Variants in NXPE1 observed in about 807,000 individuals in gnomAD.
NXPE1 encodes the protein neurexophilin and PC-esterase domain family member 1, also known as NXPE family member 1.
A neutral mutation model predicts 33.3 loss-of-function variants in NXPE1; 31 were observed. The observed-to-expected ratio is 0.93, with a 90% CI of 0.70 to 1.26. NXPE1 has a LOEUF of 1.26. Among genes scored for constraint, NXPE1 ranks in the 50% most tolerant of loss-of-function variants. NXPE1 has a pLI of 0.00. For synonymous variants in NXPE1, 229 were observed against 231.4 expected (o/e 0.99, Z 0.09); for missense variants, 661 against 655.6 (o/e 1.01, Z -0.09).
intron 6 of NXPE1, chr11:114,529,177 G>A (rs1426458120): frequency 5.1e-6 from 1 of 194,796 alleles, no homozygotes; most frequent in African/African-American, 2.3e-5. Flanking sequence ...CTGTCACCAA[G>A]CTGAGGAAAA....
At chr11:114,522,305 A>G (rs752805678) in exon 9 of NXPE1, 2 of 1,614,114 alleles carry the variant, frequency 1.2e-6, no homozygotes, top group Non-Finnish European at 1.7e-6. Flanking sequence ...GCCAAAGGTG[A>G]TGACGATGGC....
intron 7 of NXPE1, chr11:114,527,131 C>G (rs1201774486): frequency 6.6e-6 from 1 of 152,332 alleles, no homozygotes; most frequent in Non-Finnish European, 1.5e-5. Context: ...GTTTGCTGAT[C>G]CTTTTGTAGT....
chr11:114,537,615 C>G (rs1048319129), intron 5 of NXPE1, among the ~76,000 whole-genome samples: 1 of 152,156 alleles, frequency 6.6e-6, no homozygotes, highest in Non-Finnish European at 1.5e-5. Flanking sequence ...GCAAAAATCA[C>G]GAGCATTCTT....
intron 5 of NXPE1, among the ~76,000 whole-genome samples, chr11:114,540,450 CT>C (rs1226230836): frequency 6.6e-6 from 1 of 152,116 alleles, no homozygotes; most frequent in African/African-American, 2.4e-5. Context: ...AACTATATAT[CT>C]TCCTAGTCCA....
At chr11:114,533,897 C>G (rs1947687773) in intron 5 of NXPE1, among the ~76,000 whole-genome samples, 1 of 152,216 alleles carries the variant, frequency 6.6e-6, no homozygotes, top group African/African-American at 2.4e-5. Context: ...GTAACCTCTG[C>G]AGACTTAAAT....
At chr11:114,542,993 G>T (rs1368927317) in intron 5 of NXPE1, among the ~76,000 whole-genome samples, 3 of 152,156 alleles carry the variant, frequency 2.0e-5, no homozygotes, top group East Asian at 3.8e-4. Context: ...AGTGGCTTAT[G>T]CCTATAATCC....
At chr11:114,553,705 G>T in intron 1 of NXPE1, 1 of 985,076 alleles carries the variant, frequency 1.0e-6, no homozygotes, top group Non-Finnish European at 1.2e-6. Context: ...CTACTCCTTA[G>T]CTTGAGCTCT....
intron 5 of NXPE1, among the ~76,000 whole-genome samples, chr11:114,535,437 A>C (rs190839515): frequency 6.6e-6 from 1 of 152,324 alleles, no homozygotes; most frequent in African/African-American, 2.4e-5. Context: ...AACAATACTA[A>C]CCATAAATGT....
chr11:114,530,026 G>A (rs2134958207), intron 6 of NXPE1, 149 bp downstream of exon 6: 1 of 744,304 alleles, frequency 1.3e-6, no homozygotes, highest in Non-Finnish European at 2.2e-6. Context: ...GGCCTAGAGT[G>A]GTGAGTAGAG....
intron 5 of NXPE1, among the ~76,000 whole-genome samples, chr11:114,536,495 T>C (rs568916846): frequency 1.0e-3 from 153 of 152,188 alleles, no homozygotes; most frequent in African/African-American, 2.9e-3. Context: ...ATCCAGGAGC[T>C]GGTTTTTTGA....
At chr11:114,528,995 T>C (rs1177206333) in intron 6 of NXPE1, 3 of 417,450 alleles carry the variant, frequency 7.2e-6, no homozygotes, top group Admixed American at 3.8e-5. Context: ...CCAGGGACTA[T>C]AGATCAGGAG....
At chr11:114,556,938 G>A (rs1339212659) in intron 1 of NXPE1, among the ~76,000 whole-genome samples, 1 of 148,660 alleles carries the variant, frequency 6.7e-6, no homozygotes, top group African/African-American at 2.5e-5. Flanking sequence ...TGTTGCCCAA[G>A]TTGGAGTGCA....
chr11:114,557,618 T>C (rs1948682182), intron 1 of NXPE1, among the ~76,000 whole-genome samples: 1 of 135,920 alleles, frequency 7.4e-6, no homozygotes, highest in Admixed American at 8.3e-5. Flanking sequence ...AACACCACAA[T>C]ATATTATATA....
chr11:114,539,677 A>T lies in NXPE1; in HGVS notation c.100-8769T>A, dbSNP rs115893872. 9.9e-3 allele frequency among the ~76,000 whole-genome samples: 1,510 copies of T among 152,298 alleles called. 30 individuals carry two copies. Among genetic ancestry groups the T allele is most frequent in the African/African-American group, 0.033 (1,391 of 41,562 alleles). On this transcript the variant is annotated intron_variant, in intron 5 of 8. Coordinates refer to ENST00000534921, the Ensembl canonical transcript of NXPE1. ...TTAACTAATTCCAAAATTTTAGGGA[A>T]TATAATCATTTATAAAGAGGAACTA...
chr11:114,530,145 C>T lies in NXPE1; in HGVS notation c.833+30G>A, dbSNP rs376251932. The T allele has an allele frequency of 7.3e-5, 113 of 1,556,672 alleles. No homozygotes were observed. The African/African-American group carries it at 1.3e-3, about 18-fold the overall frequency. On this transcript the variant is annotated intron_variant, in intron 6 of 8. Transcript: ENST00000534921. ...TGACTGGGGCACTTCTCAGGGGACA[C>T]TTCTCAGTATACATGAAAAGTATAC...
At chr11:114,541,187 C>T (rs925829138) in intron 5 of NXPE1, among the ~76,000 whole-genome samples, 7 of 152,028 alleles carry the variant, frequency 4.6e-5, no homozygotes, top group East Asian at 1.9e-4. Flanking sequence ...AGGAGTAAAA[C>T]GGAATCCGTG....
chr11:114,522,569 C>T, intron 8 of NXPE1, 66 bp from the exon 9 acceptor site: 4 of 1,352,106 alleles, frequency 3.0e-6, no homozygotes, highest in Non-Finnish European at 4.0e-6. Flanking sequence ...AAAAGAATGT[C>T]CTATCATTTA....
chr11:114,545,076 G>A (rs1948228284), intron 5 of NXPE1, among the ~76,000 whole-genome samples: 1 of 152,168 alleles, frequency 6.6e-6, no homozygotes, highest in South Asian at 2.1e-4. Context: ...AGTTGCTGGT[G>A]AGAATGTAGA....
intron 5 of NXPE1, among the ~76,000 whole-genome samples, chr11:114,537,269 TG>T (rs1947867830): frequency 6.6e-6 from 1 of 152,176 alleles, no homozygotes; most frequent in South Asian, 2.1e-4. Flanking sequence ...TAGGTATTGA[TG>T]GGACATATCT....
Sources: gnomAD v4.1 joint callset for allele counts (sites outside exome capture counted in the v4.1 genomes callset) on GRCh38, gnomAD v4.1.1 for gene constraint, MANE v1.5 for transcripts, NCBI Gene and HGNC (gene_info 2026-07-23, HGNC 2026-07-21) for gene names.